BAZ1A: variants seen among roughly 807,000 people sequenced by gnomAD.
BAZ1A encodes the protein bromodomain adjacent to zinc finger domain 1A, also known as bromodomain adjacent to zinc finger domain protein 1A.
In BAZ1A, 50 loss-of-function variants were observed where a neutral mutation model predicts 185.2. The ratio of observed to expected loss-of-function variants is 0.27; its 90% CI spans 0.22 to 0.34. The LOEUF is 0.34. Among genes scored for constraint, BAZ1A ranks in the 10% least tolerant of loss-of-function variants. BAZ1A has a pLI of 1.00. For synonymous variants in BAZ1A, 571 were observed against 615.6 expected, an observed-to-expected ratio of 0.93 and a Z score of 1.07; for missense variants, 1,356 against 1,839.9, an observed-to-expected ratio of 0.74 and a Z score of 4.81.
intron 24 of BAZ1A, among the ~76,000 whole-genome samples, chr14:34,760,195 A>G (rs1264569835): frequency 6.6e-6 from 1 of 152,170 alleles, no homozygotes; most frequent in Admixed American, 6.5e-5. Context: ...AATTTCACAA[A>G]TCAATGAAAA....
chr14:34,831,006 G>T (rs1407586455), intron 3 of BAZ1A, among the ~76,000 whole-genome samples: 1 of 151,996 alleles, frequency 6.6e-6, no homozygotes, highest in Non-Finnish European at 1.5e-5. Flanking sequence ...CCTGGGGAAG[G>T]TTTTATTAAC....
rs2138854543 is a variant in BAZ1A at position 34,874,285 on chromosome 14, C to A, written c.113+207G>T. On this transcript the variant is annotated intron_variant, in intron 2 of 26. Coordinates refer to ENST00000360310, the MANE Select transcript of BAZ1A (RefSeq NM_013448.3). This position sits in a 1 kb window ranked among gnomAD's most constrained non-coding sequence, Gnocchi z 4.7. ...CCAGCCTCCTCCGCCACTACCAACC[C>A]GCGTTCCCCACGCGCGCCGCCGCCA... 1 of 543,132 alleles carries A rather than the reference C, an allele frequency of 1.8e-6. No individual in the cohort carries two copies. Among genetic ancestry groups the A allele is most frequent in the Non-Finnish European group, 3.2e-6 (1 of 307,778 alleles). The allele number at this position is 543,132 out of a possible 1,614,324, so 33.6% of individuals were successfully genotyped here. A position where few individuals can be genotyped will look rare whatever the true frequency, so the allele number is the denominator to read the frequency against.
At chr14:34,801,948 A>C (rs1261830651) in intron 7 of BAZ1A, among the ~76,000 whole-genome samples, 2 of 151,730 alleles carry the variant, frequency 1.3e-5, no homozygotes, top group Non-Finnish European at 2.9e-5. Context: ...AATAACTCTA[A>C]TCTTAGTAAT....
intron 16 of BAZ1A, among the ~76,000 whole-genome samples, chr14:34,780,860 G>A (rs951937454): frequency 3.3e-5 from 5 of 152,040 alleles, no homozygotes; most frequent in South Asian, 2.1e-4. Context: ...GCCACTGTGT[G>A]AAAAATTACC....
chr14:34,788,964 A>T (rs770829211), intron 12 of BAZ1A, among the ~76,000 whole-genome samples: 2 of 152,214 alleles, frequency 1.3e-5, no homozygotes, highest in African/African-American at 4.8e-5. Context: ...TCTGATTACA[A>T]TCATCGACAA....
chr14:34,796,271 C>T (rs548989409), intron 9 of BAZ1A, among the ~76,000 whole-genome samples: 11 of 152,170 alleles, frequency 7.2e-5, no homozygotes, highest in African/African-American at 1.2e-4. Context: ...GCCTTGAACC[C>T]GGGAGGAGAG....
At chr14:34,768,691 ATC>A (rs1437776878) in intron 21 of BAZ1A, 1 of 389,472 alleles carries the variant, frequency 2.6e-6, no homozygotes, top group South Asian at 2.0e-5. Context: ...AAAATTTACC[ATC>A]TCTCACACTA....
intron 2 of BAZ1A, among the ~76,000 whole-genome samples, chr14:34,872,746 T>G (rs2042968645): frequency 6.6e-6 from 1 of 152,100 alleles, no homozygotes; most frequent in African/African-American, 2.4e-5. Context: ...TCACAAAGGA[T>G]AACAGTCATA....
intron 4 of BAZ1A, among the ~76,000 whole-genome samples, chr14:34,823,574 C>A (rs920054861): frequency 6.6e-6 from 1 of 151,876 alleles, no homozygotes; most frequent in Admixed American, 6.6e-5. Context: ...GCAGGAGAAT[C>A]ACTTGAACCC....
chr14:34,766,484 C>T (rs1473474554), intron 21 of BAZ1A, among the ~76,000 whole-genome samples: 3 of 151,934 alleles, frequency 2.0e-5, no homozygotes, highest in African/African-American at 7.3e-5. Flanking sequence ...AAACCTAGGG[C>T]CCATCAGGGT....
intron 4 of BAZ1A, among the ~76,000 whole-genome samples, chr14:34,824,198 TAA>T (rs11453821): frequency 4.7e-5 from 6 of 126,538 alleles, no homozygotes; most frequent in East Asian, 2.2e-4. Flanking sequence ...TGTCTCTACT[TAA>T]AAAAAAAAAA....
chr14:34,826,166 A>T lies in BAZ1A; in HGVS notation c.393-10T>A. On this transcript the variant is annotated splice_polypyrimidine_tract_variant and intron_variant, in intron 3 of 26. Transcript: ENST00000360310. Reference sequence around the variant, plus strand: ...AATCCTACACTGCAACCTGAAATAAAATGATACATTTAAAAATGCAAATCA... The same window carrying T: ...AATCCTACACTGCAACCTGAAATAATATGATACATTTAAAAATGCAAATCA... 6.2e-7 allele frequency: 1 copy of T among 1,605,392 alleles called. No individual in the cohort carries two copies. The highest frequency in any genetic ancestry group is 8.5e-7 in the Non-Finnish European group (1 of 1,177,596).
At chr14:34,805,429 G>A (rs949139371) in intron 6 of BAZ1A, among the ~76,000 whole-genome samples, 2 of 152,062 alleles carry the variant, frequency 1.3e-5, no homozygotes, top group African/African-American at 4.8e-5. Context: ...TTTTCCAGTT[G>A]GGTCATCTTT....
chr14:34,823,903 A>G (rs925610439), intron 4 of BAZ1A, among the ~76,000 whole-genome samples: 1 of 152,054 alleles, frequency 6.6e-6, no homozygotes, highest in Non-Finnish European at 1.5e-5. Flanking sequence ...TTTATAACTA[A>G]CTCCATTTAA....
chr14:34,808,938 ATACAGT>A (rs1343563831), intron 5 of BAZ1A, among the ~76,000 whole-genome samples: 1 of 152,224 alleles, frequency 6.6e-6, no homozygotes, highest in East Asian at 1.9e-4. Context: ...CCAAAAATGT[ATACAGT>A]TAGCCCTCCA....
chr14:34,761,546 C>T (rs547240053), intron 24 of BAZ1A, among the ~76,000 whole-genome samples: 2 of 152,236 alleles, frequency 1.3e-5, no homozygotes, highest in South Asian at 4.1e-4. Flanking sequence ...AAGTTTATTA[C>T]CCTGCTTCAC....
intron 3 of BAZ1A, among the ~76,000 whole-genome samples, chr14:34,835,750 C>A (rs1594888626): frequency 6.6e-6 from 1 of 151,086 alleles, no homozygotes; most frequent in East Asian, 2.0e-4. Flanking sequence ...CGGCTCACTG[C>A]AACCTCTGCC....
intron 17 of BAZ1A, among the ~76,000 whole-genome samples, chr14:34,777,423 C>T (rs535970217): frequency 1.3e-5 from 2 of 152,304 alleles, no homozygotes; most frequent in Non-Finnish European, 1.5e-5. Flanking sequence ...GTGGGCGGAT[C>T]ACCTGACATC....
intron 9 of BAZ1A, among the ~76,000 whole-genome samples, chr14:34,799,927 T>C (rs1350063627): frequency 1.3e-5 from 2 of 152,154 alleles, no homozygotes; most frequent in Non-Finnish European, 2.9e-5. Flanking sequence ...TTTTTCAAAC[T>C]GCGTATTTTA....
Sources: gnomAD v4.1 joint callset for allele counts (sites outside exome capture counted in the v4.1 genomes callset) on GRCh38, gnomAD v4.1.1 for gene constraint, Gnocchi (gnomAD v3.1) non-coding constraint, MANE v1.5 for transcripts, NCBI Gene and HGNC (gene_info 2026-07-23, HGNC 2026-07-21) for gene names.